Variants in KYAT1 observed in about 807,000 individuals in gnomAD.
KYAT1 encodes the protein kynurenine aminotransferase 1, also known as kynurenine--oxoglutarate transaminase 1.
A neutral mutation model predicts 52.4 loss-of-function variants in KYAT1; 47 were observed. That is an observed-to-expected ratio of 0.90 (90% CI 0.71 to 1.14). The LOEUF (loss-of-function observed/expected upper bound fraction) is 1.14. KYAT1 is among the 50% of genes most tolerant of loss of function. KYAT1 has a pLI of 0.00. For synonymous variants in KYAT1, 212 were observed against 209.6 expected (o/e 1.01, Z -0.10); for missense variants, 480 against 557.9 (o/e 0.86, Z 1.41).
chr9:128,842,884 C>T (rs1018453532), intron 2 of KYAT1, 83 bp from the exon 3 acceptor site: 30 of 1,444,352 alleles, frequency 2.1e-5, no homozygotes, highest in Admixed American at 8.1e-5. Context: ...ACTGGACAAC[C>T]GGCCAGGTGT....
intron 1 of KYAT1, among the ~76,000 whole-genome samples, chr9:128,851,952 G>A (rs375542770): frequency 6.6e-6 from 1 of 152,116 alleles, no homozygotes; most frequent in East Asian, 1.9e-4. Flanking sequence ...GAGGCAGCCT[G>A]AAACTAGGCA....
intron 1 of KYAT1, among the ~76,000 whole-genome samples, chr9:128,849,887 T>G (rs1276561151): frequency 6.9e-6 from 1 of 144,676 alleles, no homozygotes; most frequent in African/African-American, 2.5e-5. Flanking sequence ...TTTCTTCTTT[T>G]TTTTTTTTTT....
At chr9:128,836,169 A>G (rs1410960942) in intron 7 of KYAT1, 96 bp from the exon 8 acceptor site, 1 of 1,022,570 alleles carries the variant, frequency 9.8e-7, no homozygotes, top group African/African-American at 1.6e-5. Context: ...TAGGCTTTTG[A>G]CACCCTGGAT....
chr9:128,851,037 G>A (rs762649555), intron 1 of KYAT1, among the ~76,000 whole-genome samples: 32 of 152,146 alleles, frequency 2.1e-4, no homozygotes, highest in African/African-American at 6.0e-4. Flanking sequence ...TCCTCTTGCT[G>A]AGATAATAAA....
intron 1 of KYAT1, among the ~76,000 whole-genome samples, chr9:128,848,320 A>C (rs1273845193): frequency 3.4e-5 from 1 of 29,822 alleles, no homozygotes; most frequent in Non-Finnish European, 1.6e-4. Context: ...ATATGTCTCA[A>C]AAAAAAAAAA....
intron 1 of KYAT1, among the ~76,000 whole-genome samples, chr9:128,854,977 A>T (rs939678809): frequency 2.0e-5 from 3 of 152,146 alleles, no homozygotes; most frequent in African/African-American, 7.2e-5. Context: ...TACTTATCAT[A>T]TGGTAAGTGG....
intron 1 of KYAT1, among the ~76,000 whole-genome samples, chr9:128,867,812 G>A (rs929011778): frequency 1.3e-5 from 2 of 152,228 alleles, no homozygotes; most frequent in Non-Finnish European, 2.9e-5. Flanking sequence ...TCGCTCTGTC[G>A]CCCAGGCTGG....
In KYAT1 at chr9:128,865,344, TATATATATATA is replaced by T. The variant is rs1836171590; in HGVS notation, c.-7+16542_-7+16552del. ...ATATATATATATATATATATATATA[TATATATATATA>T]TATATTTTTTTTTTTTTTTTTTTTG... On this transcript the variant is annotated intron_variant, in intron 1 of 12. Coordinates refer to ENST00000302586, the MANE Select transcript of KYAT1 (RefSeq NM_004059.5). Among the ~76,000 whole-genome samples, 5 of 7,000 alleles carry T rather than the reference TATATATATATA, an allele frequency of 7.1e-4. 1 individual carries two copies. Among genetic ancestry groups the T allele is most frequent in the East Asian group, 4.4e-3 (1 of 228 alleles). The allele number at this position is 7,000 out of a possible 152,430, so 4.6% of individuals were successfully genotyped here.
At chr9:128,845,760 A>G (rs1475981433) in intron 1 of KYAT1, among the ~76,000 whole-genome samples, 1 of 152,208 alleles carries the variant, frequency 6.6e-6, no homozygotes, top group Non-Finnish European at 1.5e-5. Context: ...GCTGAGGGTT[A>G]AAGAAGAGGA....
chr9:128,864,611 T>C (rs1047363078), intron 1 of KYAT1, among the ~76,000 whole-genome samples: 1 of 151,948 alleles, frequency 6.6e-6, no homozygotes, highest in African/African-American at 2.4e-5. Context: ...TTATTATTTA[T>C]TTACTTATTT....
At chr9:128,873,025 A>G (rs12003021) in intron 1 of KYAT1, among the ~76,000 whole-genome samples, 8,170 of 150,276 alleles carry the variant, frequency 0.054, 272 homozygotes, top group African/African-American at 0.094. Context: ...CTAGTGAGCC[A>G]GGATCGCACT....
intron 1 of KYAT1, among the ~76,000 whole-genome samples, chr9:128,850,277 T>C (rs950322652): frequency 1.3e-5 from 2 of 152,128 alleles, no homozygotes; most frequent in Non-Finnish European, 2.9e-5. Context: ...ACTGTGTCTA[T>C]GTAGAAATGG....
chr9:128,836,212 T>TTTTC (rs1039921284), intron 7 of KYAT1, 139 bp from the exon 8 acceptor site: 10 of 588,660 alleles, frequency 1.7e-5, no homozygotes, highest in African/African-American at 5.7e-5. Context: ...GCACAATTTT[T>TTTTC]TTTCTTTCTT....
At chr9:128,857,181 T>C (rs966865254) in intron 1 of KYAT1, among the ~76,000 whole-genome samples, 5 of 151,882 alleles carry the variant, frequency 3.3e-5, no homozygotes, top group Non-Finnish European at 5.9e-5. Flanking sequence ...AATTATGACA[T>C]AGATTCTTTT....
At chr9:128,862,971 CG>C in intron 1 of KYAT1, among the ~76,000 whole-genome samples, 6 of 151,986 alleles carry the variant, frequency 3.9e-5, no homozygotes, top group Non-Finnish European at 7.4e-5. Flanking sequence ...ATTACAGACG[CG>C]CGCTACCATG....
At chr9:128,846,849 T>C in intron 1 of KYAT1, 1 of 1,535,336 alleles carries the variant, frequency 6.5e-7, no homozygotes, top group African/African-American at 1.4e-5. Context: ...AACATTCTTC[T>C]CAGCCACCTG....
intron 1 of KYAT1, among the ~76,000 whole-genome samples, chr9:128,857,067 G>A (rs867562870): frequency 1.7e-4 from 26 of 152,378 alleles, no homozygotes; most frequent in Admixed American, 4.6e-4. Flanking sequence ...CATGTTGGCA[G>A]CAATGCTGCC....
intron 1 of KYAT1, among the ~76,000 whole-genome samples, chr9:128,862,971 C>T (rs922440965): frequency 5.3e-5 from 8 of 152,108 alleles, no homozygotes; most frequent in Non-Finnish European, 7.4e-5. Context: ...ATTACAGACG[C>T]GCGCTACCAT....
intron 1 of KYAT1, among the ~76,000 whole-genome samples, chr9:128,871,870 G>A (rs1837278348): frequency 6.6e-6 from 1 of 152,190 alleles, no homozygotes; most frequent in Non-Finnish European, 1.5e-5. Flanking sequence ...GCTCATGCCT[G>A]TAATCCCAGC....
Sources: gnomAD v4.1 joint callset for allele counts (sites outside exome capture counted in the v4.1 genomes callset) on GRCh38, gnomAD v4.1.1 for gene constraint, MANE v1.5 for transcripts, NCBI Gene and HGNC (gene_info 2026-07-23, HGNC 2026-07-21) for gene names.